Variants in SPEF2 observed in about 807,000 individuals in gnomAD.
The protein encoded by SPEF2 is sperm flagellar and cilia associated 2.
In SPEF2, 187 loss-of-function variants were observed where a neutral mutation model predicts 224.6. That is an observed-to-expected ratio of 0.83 (90% confidence interval 0.74 to 0.94). SPEF2 has a LOEUF of 0.94. Among genes scored for constraint, SPEF2 ranks in the 40% least tolerant of loss-of-function variants. The pLI is 0.00. For missense variants in SPEF2, 2,170 were observed against 2,135.6 expected (o/e 1.02, Z -0.32); for synonymous variants, 715 against 707.3 (o/e 1.01, Z -0.17).
intron 21 of SPEF2, among the ~76,000 whole-genome samples, chr5:35,735,879 C>T (rs950286477): frequency 1.1e-4 from 16 of 152,288 alleles, no homozygotes; most frequent in African/African-American, 2.4e-4. Flanking sequence ...ATGAACACTA[C>T]GTGTTCTTCA....
intron 3 of SPEF2, 195 bp downstream of exon 3, chr5:35,641,878 T>G: frequency 3.9e-6 from 2 of 508,446 alleles, no homozygotes; most frequent in Non-Finnish European, 6.7e-6. Flanking sequence ...CTCTCTATCC[T>G]ATCCATATTG....
rs532449336 is a variant in SPEF2 at position 35,798,261 on chromosome 5, C to T, written c.4831-1707C>T. ...CTCAGAGGAAAGGCCCAAATCCTTA[C>T]GTGTCCAACCAGGCCTTGTGCATTC... On this transcript the variant is annotated intron_variant, in intron 33 of 36. Coordinates refer to ENST00000356031, the MANE Select transcript of SPEF2 (RefSeq NM_024867.4). Among the ~76,000 whole-genome samples, 11 of 152,230 alleles carry T rather than the reference C, an allele frequency of 7.2e-5. No homozygotes were observed. The East Asian group carries it at 1.4e-3, about 19-fold the overall frequency.
chr5:35,659,312 T>A, intron 8 of SPEF2, 105 bp downstream of exon 8: 9 of 1,183,486 alleles, frequency 7.6e-6, no homozygotes, highest in Non-Finnish European at 1.0e-5. Flanking sequence ...CTAATAAGAT[T>A]TTCTTTTGTA....
chr5:35,809,346 T>A (rs2149878742), intron 36 of SPEF2, among the ~76,000 whole-genome samples: 1 of 152,276 alleles, frequency 6.6e-6, no homozygotes, highest in East Asian at 1.9e-4. Flanking sequence ...GAAAGTGATA[T>A]AAGTTAAACC....
chr5:35,659,068 AG>A lies in SPEF2; in HGVS notation c.1029del (p.Gln343HisfsTer94). On this transcript the variant is annotated frameshift_variant, in exon 8 of 37. Transcript: ENST00000356031. LOFTEE classifies it high-confidence loss of function. The part of the protein sequence containing the change: ...QLINRLMRQS[Q>X]QERRIAVQLM... ...ATTAACCGGCTGATGCGGCAGTCCC[AG>A]CAGGAGCGCAGGATTGCCGTGCAGC... The A allele has an allele frequency of 1.9e-6, 3 of 1,608,066 alleles. No homozygotes were observed. The highest frequency in any genetic ancestry group is 2.6e-6 in the Non-Finnish European group (3 of 1,176,020).
At chr5:35,792,578 T>C in intron 31 of SPEF2, 132 bp downstream of exon 31, 1 of 656,474 alleles carries the variant, frequency 1.5e-6, no homozygotes, top group Non-Finnish European at 2.6e-6. Context: ...TGTGAGTGAA[T>C]GAAAAATGAA....
At chr5:35,814,266 T>C (rs1190005159) in intron 36 of SPEF2, among the ~76,000 whole-genome samples, 198 bp from the exon 37 acceptor site, 6 of 152,218 alleles carry the variant, frequency 3.9e-5, no homozygotes, top group Admixed American at 6.5e-5. Flanking sequence ...AGATCTTAGA[T>C]AATTTTCCAA....
intron 30 of SPEF2, chr5:35,788,932 G>A: frequency 1.4e-6 from 1 of 703,048 alleles, no homozygotes; most frequent in Non-Finnish European, 2.6e-6. Flanking sequence ...GACCTGTGAT[G>A]CCTTCTCAAA....
intron 32 of SPEF2, among the ~76,000 whole-genome samples, chr5:35,795,488 T>C (rs1405416377): frequency 6.6e-6 from 1 of 152,106 alleles, no homozygotes; most frequent in Admixed American, 6.5e-5. Flanking sequence ...ATTATGAACA[T>C]AATCAAAGAT....
intron 14 of SPEF2, among the ~76,000 whole-genome samples, 159 bp downstream of exon 14, chr5:35,695,955 G>C (rs1755252961): frequency 6.6e-6 from 1 of 152,112 alleles, no homozygotes; most frequent in Non-Finnish European, 1.5e-5. Flanking sequence ...ACTTTACTTA[G>C]CATTCTTTGT....
Position 35,751,096 on chromosome 5 carries a change from C to CACACATATAT in SPEF2, c.3331-2527_3331-2526insCACATATATA, listed in dbSNP as rs1554048857. On this transcript the variant is annotated intron_variant, in intron 23 of 36. Transcript: ENST00000356031. ...ATATATATACACACACACACACACA[C>CACACATATAT]ATATATATATATATATATATATGAT... 1.0e-3 allele frequency among the ~76,000 whole-genome samples: 31 copies of CACACATATAT among 30,614 alleles called. 1 individual carries two copies. The highest frequency in any genetic ancestry group is 1.7e-3 in the East Asian group (2 of 1,168). The allele number at this position is 30,614 out of a possible 152,430, so 20.1% of individuals were successfully genotyped here. A position where few individuals can be genotyped will look rare whatever the true frequency, so the allele number is the denominator to read the frequency against.
At chr5:35,726,069 A>T (rs908333060) in intron 20 of SPEF2, among the ~76,000 whole-genome samples, 2 of 152,222 alleles carry the variant, frequency 1.3e-5, no homozygotes, top group African/African-American at 4.8e-5. Flanking sequence ...TAAGATGTTG[A>T]TAAAGATTTT....
intron 24 of SPEF2, among the ~76,000 whole-genome samples, chr5:35,754,892 C>T (rs911108009): frequency 6.6e-6 from 1 of 152,116 alleles, no homozygotes; most frequent in African/African-American, 2.4e-5. Context: ...TCTGGCAATC[C>T]CTACAGCTAA....
At chr5:35,673,327 T>G (rs1225543038) in intron 10 of SPEF2, among the ~76,000 whole-genome samples, 1 of 152,212 alleles carries the variant, frequency 6.6e-6, no homozygotes, top group African/African-American at 2.4e-5. Flanking sequence ...AAACTCCCCC[T>G]AATGCAAATC....
At chr5:35,785,988 A>G (rs1309191717) in intron 30 of SPEF2, among the ~76,000 whole-genome samples, 2 of 152,174 alleles carry the variant, frequency 1.3e-5, no homozygotes, top group Non-Finnish European at 2.9e-5. Context: ...GCTGACTCAC[A>G]TAGGCAACAG....
intron 21 of SPEF2, among the ~76,000 whole-genome samples, chr5:35,733,783 T>C (rs1746065538): frequency 7.4e-6 from 1 of 135,542 alleles, no homozygotes; most frequent in Admixed American, 7.2e-5. Context: ...GTACAGTGAA[T>C]TGTTTAAAAA....
rs1157360811 is a variant in SPEF2 at position 35,691,246 on chromosome 5, T to C, written c.1734T>C (p.Ser578=). The C allele has an allele frequency of 6.2e-7, 1 of 1,613,550 alleles. No homozygotes were observed. Among genetic ancestry groups the C allele is most frequent in the East Asian group, 2.2e-5 (1 of 44,854 alleles). Residue 578 remains serine, a synonymous_variant, in exon 11 of 37, where the codon TCT becomes TCC. Coordinates refer to ENST00000356031, the MANE Select transcript of SPEF2 (RefSeq NM_024867.4). ...TLSGKTTILR[S]LQKDFPIQIL... ...GTGGAAAAACTACCATTTTAAGGTCTCTACAAAAAGGTAGAATTTCTTCTC... is the reference window on the plus strand; with the variant it reads ...GTGGAAAAACTACCATTTTAAGGTCCCTACAAAAAGGTAGAATTTCTTCTC...
At chr5:35,785,539 A>C (rs890055285) in intron 30 of SPEF2, among the ~76,000 whole-genome samples, 1 of 151,198 alleles carries the variant, frequency 6.6e-6, no homozygotes, top group Non-Finnish European at 1.5e-5. Context: ...TTTTAATTTA[A>C]ATTTAAATTT....
chr5:35,655,392 G>A (rs1259631158), intron 7 of SPEF2, among the ~76,000 whole-genome samples: 1 of 152,170 alleles, frequency 6.6e-6, no homozygotes, highest in Non-Finnish European at 1.5e-5. Flanking sequence ...TAGGCCCAGA[G>A]ATATGACAGA....
Sources: allele counts gnomAD v4.1 joint callset (sites outside exome capture counted in the v4.1 genomes callset), GRCh38; gene constraint gnomAD v4.1.1; transcripts MANE v1.5; gene names NCBI Gene and HGNC (gene_info 2026-07-23, HGNC 2026-07-21).